DAZAP2: variants seen among roughly 807,000 people sequenced by gnomAD.
The protein encoded by DAZAP2 is DAZ-associated protein 2.
A neutral mutation model predicts 16.2 loss-of-function variants in DAZAP2; 3 were observed. The ratio of observed to expected loss-of-function variants is 0.19; its 90% confidence interval spans 0.08 to 0.48. DAZAP2 has a LOEUF of 0.48. DAZAP2 is among the 20% of genes least tolerant of loss of function. The pLI is 0.98. For missense variants in DAZAP2, 172 were observed against 215.9 expected (o/e 0.80, Z 1.27); for synonymous variants, 69 against 77.6 (o/e 0.89, Z 0.58).
intron 3 of DAZAP2, 36 bp downstream of exon 3, chr12:51,241,152 G>T (rs1207337330): frequency 1.9e-6 from 3 of 1,604,446 alleles, no homozygotes; most frequent in Non-Finnish European, 2.6e-6. Context: ...CTCAGCCCTT[G>T]TGTATTTTAA....
At chr12:51,238,950 G>C (rs767379825) in intron 1 of DAZAP2, 30 bp downstream of exon 1, 35 of 1,612,700 alleles carry the variant, frequency 2.2e-5, no homozygotes, top group African/African-American at 5.3e-5. Context: ...GAGGCCGTCG[G>C]GGGGAGTACT....
chr12:51,240,650 C>A, intron 2 of DAZAP2, 189 bp downstream of exon 2: 1 of 852,174 alleles, frequency 1.2e-6, no homozygotes, highest in Non-Finnish European at 1.8e-6. Flanking sequence ...TGTTATTTGG[C>A]ACAGGCTAAG....
intron 1 of DAZAP2, chr12:51,239,142 T>G (rs976356583): frequency 1.6e-6 from 1 of 607,434 alleles, no homozygotes; most frequent in African/African-American, 1.9e-5. Context: ...TGGCGCAGTT[T>G]GGAGCTGCGG....
At chr12:51,240,651 A>C (rs1944659273) in intron 2 of DAZAP2, 190 bp downstream of exon 2, 3 of 853,918 alleles carry the variant, frequency 3.5e-6, no homozygotes, top group East Asian at 5.3e-5. Flanking sequence ...GTTATTTGGC[A>C]CAGGCTAAGG....
Position 51,242,926 on chromosome 12 carries a change from C to A in DAZAP2, c.*468C>A. ...TAGTTGTCTGCCTTTTCCTTTCCAT[C>A]CCTTGCCCCACCCATCCCATCTCCA... is the stretch of plus-strand genomic sequence containing the variant. On this transcript the variant is annotated 3_prime_UTR_variant, in exon 4 of 4. Transcript: ENST00000412716. The A allele has an allele frequency of 8.9e-7, 1 of 1,126,902 alleles. No homozygotes were observed. Among genetic ancestry groups the A allele is most frequent in the Admixed American group, 5.0e-5 (1 of 20,166 alleles). 69.8% of individuals were successfully genotyped at this position (1,126,902 alleles called of 1,614,324 possible).
chr12:51,246,662 G>C, downstream of DAZAP2: 2 of 844,858 alleles, frequency 2.4e-6, no homozygotes, highest in Non-Finnish European at 3.5e-6. Flanking sequence ...AAGCCAGAGT[G>C]AGCCCATTAA....
chr12:51,239,131 G>A (rs1213465779), intron 1 of DAZAP2: 9 of 675,186 alleles, frequency 1.3e-5, no homozygotes, highest in Non-Finnish European at 2.1e-5. Flanking sequence ...CGTAAACTCT[G>A]TGGCGCAGTT....
intron 1 of DAZAP2, 144 bp downstream of exon 1, chr12:51,239,064 C>G: frequency 1.7e-6 from 2 of 1,193,124 alleles, no homozygotes; most frequent in African/African-American, 1.6e-5. Flanking sequence ...GGCGCTGCGC[C>G]TGACGCCTTC....
chr12:51,240,731 G>A, intron 2 of DAZAP2, 140 bp from the exon 3 acceptor site: 1 of 1,184,378 alleles, frequency 8.4e-7, no homozygotes, highest in Non-Finnish European at 1.2e-6. Context: ...GGAGAATATT[G>A]AAGGCCAGTG....
In DAZAP2 at chr12:51,242,622, G is replaced by A; in HGVS notation, c.*164G>A. On this transcript the variant is annotated 3_prime_UTR_variant, in exon 4 of 4. Transcript: ENST00000412716. ...TCAGGCACTTTTCAAATTTAATAAGGAACCATGTAATGGTAGCAGTACCTC... is the reference window on the plus strand; with the variant it reads ...TCAGGCACTTTTCAAATTTAATAAGAAACCATGTAATGGTAGCAGTACCTC... 1 of 1,568,220 alleles carries A rather than the reference G, an allele frequency of 6.4e-7. No individual in the cohort carries two copies. Among genetic ancestry groups the A allele is most frequent in the Non-Finnish European group, 8.6e-7 (1 of 1,156,096 alleles).
intron 2 of DAZAP2, 164 bp from the exon 3 acceptor site, chr12:51,240,707 C>A: frequency 2.0e-6 from 2 of 1,011,754 alleles, no homozygotes; most frequent in Non-Finnish European, 2.8e-6. Flanking sequence ...TTAGCTATAG[C>A]AGAAAGTGAT....
chr12:51,240,080 C>A, intron 1 of DAZAP2: 1 of 458,882 alleles, frequency 2.2e-6, no homozygotes, highest in African/African-American at 2.0e-5. Flanking sequence ...GAACTTGGGC[C>A]CAGGTAGACT....
At position 51,243,507 on chromosome 12, in the gene DAZAP2, A is replaced by C; in HGVS notation, c.*1049A>C. 1.0e-6 allele frequency: 1 copy of C among 985,866 alleles called. No homozygotes were observed. 61.1% of individuals were successfully genotyped at this position (985,866 alleles called of 1,614,324 possible). A position where few individuals can be genotyped will look rare whatever the true frequency, so the allele number is the denominator to read the frequency against. On this transcript the variant is annotated 3_prime_UTR_variant, in exon 4 of 4. Transcript: ENST00000412716. ...ACTACAAAATGACTTGAGTCCAGTG[A>C]AATCTCATTAGGGTTTAAGAATATT...
At chr12:51,245,683 A>G, downstream of DAZAP2, 1 of 447,950 alleles carries the variant, frequency 2.2e-6, no homozygotes, top group South Asian at 3.6e-5. Context: ...GTCCCCTGGC[A>G]TAGCCACATC....
At chr12:51,240,655 G>A (rs1592226449) in intron 2 of DAZAP2, 194 bp downstream of exon 2, 1 of 849,806 alleles carries the variant, frequency 1.2e-6, no homozygotes, top group South Asian at 1.8e-5. Context: ...TTTGGCACAG[G>A]CTAAGGTGCA....
downstream of DAZAP2, chr12:51,245,241 T>G (rs1349261806): frequency 2.0e-5 from 3 of 152,228 alleles, no homozygotes; most frequent in African/African-American, 7.2e-5. Context: ...GGGTTCTTAT[T>G]GCTTGGAAGA....
At chr12:51,244,613 C>A (rs1944739797), downstream of DAZAP2, 1 of 152,156 alleles carries the variant, frequency 6.6e-6, no homozygotes, top group African/African-American at 2.4e-5. Context: ...ATCTGATGAG[C>A]TAATAATTTA....
chr12:51,243,495 T>A lies in DAZAP2; in HGVS notation c.*1037T>A. ...TGTGAATGTCTCACTACAAAATGAC[T>A]TGAGTCCAGTGAAATCTCATTAGGG... is the stretch of plus-strand genomic sequence containing the variant. On this transcript the variant is annotated 3_prime_UTR_variant, in exon 4 of 4. Coordinates refer to ENST00000412716, the MANE Select transcript of DAZAP2 (RefSeq NM_014764.4). The A allele has an allele frequency of 1.0e-6, 1 of 985,882 alleles. No individual in the cohort carries two copies. The highest frequency in any genetic ancestry group is 1.1e-4 in the East Asian group (1 of 8,814). 61.1% of individuals were successfully genotyped at this position (985,882 alleles called of 1,614,324 possible). A position where few individuals can be genotyped will look rare whatever the true frequency, so the allele number is the denominator to read the frequency against.
In DAZAP2 at chr12:51,240,218, C is replaced by G. The variant is rs1319709574; in HGVS notation, c.14-125C>G. 4.0e-6 allele frequency: 3 copies of G among 750,034 alleles called. No individual in the cohort carries two copies. In the Admixed American group the frequency reaches 5.8e-5, roughly 14 times the overall value. The allele number at this position is 750,034 out of a possible 1,614,324, so 46.5% of individuals were successfully genotyped here. On this transcript the variant is annotated intron_variant, in intron 1 of 3. Transcript: ENST00000412716. ...TTTTCTTAGTTCCAGGAATCAGGCC[C>G]TCTGGGGCAGACTATTTGCAAATCC...
Sources: gnomAD v4.1 joint callset for allele counts on GRCh38, gnomAD v4.1.1 for gene constraint, MANE v1.5 for transcripts, NCBI Gene and HGNC (gene_info 2026-07-23, HGNC 2026-07-21) for gene names.